Variants in NRG3 observed in about 807,000 individuals in gnomAD.
NRG3 encodes the protein neuregulin 3, also known as pro-neuregulin-3, membrane-bound isoform.
In NRG3, 31 loss-of-function variants were observed where a neutral mutation model predicts 66.9. The observed-to-expected ratio is 0.46, with a 90% CI of 0.35 to 0.63. The LOEUF is 0.63. Among genes scored for constraint, NRG3 ranks in the 20% least tolerant of loss-of-function variants. NRG3 has a pLI of 0.00. For synonymous variants in NRG3, 393 were observed against 359.4 expected, an observed-to-expected ratio of 1.09 and a Z score of -1.06; for missense variants, 910 against 878.9, an observed-to-expected ratio of 1.04 and a Z score of -0.45.
rs535409489 is a variant in NRG3, at chr10:82,282,400, C to T, written c.824-76339C>T. Reference sequence around the variant, plus strand: ...GGATCTGTGTCTTGAAAAGTCACTTCCTTTATGCTAGTGTAGACCCATCAG... The same window carrying T: ...GGATCTGTGTCTTGAAAAGTCACTTTCTTTATGCTAGTGTAGACCCATCAG... On this transcript the variant is annotated intron_variant, in intron 1 of 8. Coordinates refer to ENST00000372141, the MANE Select transcript of NRG3 (RefSeq NM_001010848.4). 3.9e-5 allele frequency among the ~76,000 whole-genome samples: 6 copies of T among 152,130 alleles called. No individual in the cohort carries two copies. The South Asian group carries it at 1.0e-3, about 26-fold the overall frequency.
At chr10:82,908,658 A>G (rs1844994186) in intron 4 of NRG3, among the ~76,000 whole-genome samples, 1 of 152,208 alleles carries the variant, frequency 6.6e-6, no homozygotes, top group Admixed American at 6.5e-5. Context: ...CCAAGGGAAG[A>G]GAAAAAAGAC....
intron 3 of NRG3, among the ~76,000 whole-genome samples, chr10:82,837,279 A>G (rs1320075600): frequency 6.6e-6 from 1 of 152,142 alleles, no homozygotes; most frequent in Non-Finnish European, 1.5e-5. Flanking sequence ...TGCTGAGTCA[A>G]ATGGTATTTC....
At chr10:82,678,165 T>C (rs1175297794) in intron 2 of NRG3, among the ~76,000 whole-genome samples, 1 of 152,166 alleles carries the variant, frequency 6.6e-6, no homozygotes, top group African/African-American at 2.4e-5. Flanking sequence ...TTCCTATCTA[T>C]TGGGAGACTG....
intron 3 of NRG3, among the ~76,000 whole-genome samples, chr10:82,816,872 C>T (rs575035241): frequency 1.8e-4 from 27 of 152,342 alleles, no homozygotes; most frequent in Non-Finnish European, 2.8e-4. Context: ...ATTAGATACA[C>T]GTAATATCTT....
At chr10:82,434,068 T>G (rs1478001526) in intron 2 of NRG3, among the ~76,000 whole-genome samples, 1 of 152,230 alleles carries the variant, frequency 6.6e-6, no homozygotes, top group African/African-American at 2.4e-5. Flanking sequence ...GTATTGATTC[T>G]TCCTATCCAT....
chr10:82,243,367 A>C (rs1754981828), intron 1 of NRG3, among the ~76,000 whole-genome samples: 1 of 152,200 alleles, frequency 6.6e-6, no homozygotes, highest in Admixed American at 6.5e-5. Flanking sequence ...AAAATGGAGA[A>C]GACATAATCA....
chr10:81,989,949 G>A (rs988445604), intron 1 of NRG3, among the ~76,000 whole-genome samples: 4 of 152,098 alleles, frequency 2.6e-5, no homozygotes, highest in Non-Finnish European at 5.9e-5. Context: ...GTATAAATTA[G>A]GAGAAGGCTA....
intron 2 of NRG3, among the ~76,000 whole-genome samples, chr10:82,456,028 T>C (rs1459213492): frequency 1.3e-5 from 2 of 152,208 alleles, no homozygotes; most frequent in Non-Finnish European, 2.9e-5. Context: ...TTTTGCCTCT[T>C]GTAATAGCAC....
chr10:82,523,748 A>G (rs1030586020), intron 2 of NRG3, among the ~76,000 whole-genome samples: 4 of 152,138 alleles, frequency 2.6e-5, no homozygotes, highest in African/African-American at 9.6e-5. Context: ...TACATAACTC[A>G]AAAGTCTCCA....
intron 1 of NRG3, among the ~76,000 whole-genome samples, chr10:82,356,285 T>TAAAG (rs2083772512): frequency 6.6e-6 from 1 of 152,212 alleles, no homozygotes; most frequent in Non-Finnish European, 1.5e-5. Context: ...ATCTCACTTT[T>TAAAG]TATGCTGTAG....
chr10:82,708,227 T>A (rs1225614552), intron 2 of NRG3, among the ~76,000 whole-genome samples: 1 of 152,170 alleles, frequency 6.6e-6, no homozygotes, highest in African/African-American at 2.4e-5. Context: ...CTGTCCTAAG[T>A]GTTTTGTATG....
intron 1 of NRG3, among the ~76,000 whole-genome samples, chr10:82,322,289 G>T (rs879751389): frequency 6.6e-6 from 1 of 152,114 alleles, no homozygotes; most frequent in Non-Finnish European, 1.5e-5. Context: ...AAATTTAGGG[G>T]TTTTTAAAAA....
At chr10:82,891,495 T>C (rs1307532867) in intron 4 of NRG3, among the ~76,000 whole-genome samples, 1 of 152,062 alleles carries the variant, frequency 6.6e-6, no homozygotes, top group Non-Finnish European at 1.5e-5. Flanking sequence ...TCTAGAGGTC[T>C]CACACATCCT....
chr10:82,569,124 A>G (rs554793981), intron 2 of NRG3, among the ~76,000 whole-genome samples: 2 of 151,896 alleles, frequency 1.3e-5, no homozygotes, highest in South Asian at 4.1e-4. Context: ...ATGTAGCATT[A>G]TAGCCTGAAA....
At chr10:82,424,590 T>G (rs1474442649) in intron 2 of NRG3, among the ~76,000 whole-genome samples, 1 of 152,082 alleles carries the variant, frequency 6.6e-6, no homozygotes, top group East Asian at 1.9e-4. Context: ...TTGTGAATTA[T>G]CTTTTCATTT....
At chr10:82,357,298 G>T (rs557703498) in intron 1 of NRG3, among the ~76,000 whole-genome samples, 2 of 152,176 alleles carry the variant, frequency 1.3e-5, no homozygotes, top group Non-Finnish European at 2.9e-5. Flanking sequence ...CCACAGGAGA[G>T]CCCATGAGGA....
chr10:82,708,640 A>G (rs1032633788), intron 2 of NRG3, among the ~76,000 whole-genome samples: 1 of 152,182 alleles, frequency 6.6e-6, no homozygotes, highest in South Asian at 2.1e-4. Context: ...ACTTAATACT[A>G]TATGTATACT....
chr10:82,440,615 T>A (rs533433836), intron 2 of NRG3, among the ~76,000 whole-genome samples: 2 of 152,130 alleles, frequency 1.3e-5, no homozygotes, highest in African/African-American at 4.8e-5. Flanking sequence ...TTTGTGGAAC[T>A]CTTGTGGAGA....
chr10:82,813,418 TG>T (rs547908235), intron 3 of NRG3, among the ~76,000 whole-genome samples: 2 of 152,006 alleles, frequency 1.3e-5, no homozygotes, highest in Non-Finnish European at 2.9e-5. Flanking sequence ...TTCACCATGT[TG>T]GCCAAGCTGG....
Sources: gnomAD v4.1 joint callset for allele counts (sites outside exome capture counted in the v4.1 genomes callset) on GRCh38, gnomAD v4.1.1 for gene constraint, MANE v1.5 for transcripts, NCBI Gene and HGNC (gene_info 2026-07-23, HGNC 2026-07-21) for gene names.